Variants in IL1RL1 observed in about 807,000 individuals in gnomAD.
IL1RL1 encodes interleukin 1 receptor like 1, also known as interleukin-1 receptor-like 1.
Under a neutral mutation model 50.9 loss-of-function variants are expected in IL1RL1, and 32 were observed. That is an observed-to-expected ratio of 0.63 (90% confidence interval 0.47 to 0.84). The LOEUF (loss-of-function observed/expected upper bound fraction) is 0.84. Among genes scored for constraint, IL1RL1 ranks in the 40% least tolerant of loss-of-function variants. The pLI is 0.00. For synonymous variants in IL1RL1, 275 were observed against 236.0 expected (o/e 1.17, Z -1.51); for missense variants, 773 against 662.9 (o/e 1.17, Z -1.82).
Position 102,343,257 on chromosome 2 carries a change from G to T in IL1RL1, c.825-13G>T. 1.2e-6 allele frequency: 2 copies of T among 1,614,168 alleles called. No homozygotes were observed. The highest frequency in any genetic ancestry group is 1.7e-6 in the Non-Finnish European group (2 of 1,180,002). On this transcript the variant is annotated splice_polypyrimidine_tract_variant and intron_variant, in intron 7 of 10. Transcript: ENST00000233954. ...GCAAAGTAGGCATTAAAAGTAACAG[G>T]TTGCTTTCTTAGTTTCAGCAATGGG...
chr2:102,345,981 GT>G, intron 8 of IL1RL1: 1 of 985,288 alleles, frequency 1.0e-6, no homozygotes. Flanking sequence ...CGTGTTACAG[GT>G]GTTTAATGAT....
intron 1 of IL1RL1, among the ~76,000 whole-genome samples, chr2:102,324,518 G>A (rs1480669883): frequency 2.0e-5 from 3 of 152,214 alleles, no homozygotes; most frequent in Non-Finnish European, 4.4e-5. Context: ...GACAGTGGGT[G>A]CAGAGCACTG....
intron 9 of IL1RL1, among the ~76,000 whole-genome samples, chr2:102,348,399 A>G (rs1677839393): frequency 1.3e-5 from 2 of 152,094 alleles, no homozygotes; most frequent in South Asian, 4.1e-4. Context: ...TTCATAATGT[A>G]TCGGTAAGAC....
In IL1RL1 at chr2:102,347,988, A is replaced by G. The variant is rs1434826506; in HGVS notation, c.1014A>G (p.Val338=). The change falls in exon 9 of 11, where the codon GTA becomes GTG. Residue 338 remains valine (V), a synonymous_variant. Transcript: ENST00000233954. The stretch of plus-strand genomic sequence containing the variant: ...ACTGCATAATTGCAGTATGTAGTGT[A>G]TTTTTAATGCTAATCAATGTCCTGG... The part of the protein sequence containing the change: ...SIYCIIAVCS[V]FLMLINVLVI... The G allele has an allele frequency of 1.9e-6, 3 of 1,576,136 alleles. No homozygotes were observed. Among genetic ancestry groups the G allele is most frequent in the South Asian group, 1.1e-5 (1 of 90,298 alleles).
chr2:102,340,354 T>G (rs908911602), intron 4 of IL1RL1, 82 bp downstream of exon 4: 10 of 1,215,980 alleles, frequency 8.2e-6, no homozygotes, highest in Non-Finnish European at 1.0e-5. Flanking sequence ...GGCTCATGCC[T>G]GTAATCCTAG....
Position 102,335,982 on chromosome 2 carries a change from C to T in IL1RL1, c.-149-2134C>T, listed in dbSNP as rs73944295. Among the ~76,000 whole-genome samples the T allele has an allele frequency of 3.7e-3, 568 of 152,262 alleles. 6 individuals carry two copies. Among genetic ancestry groups the T allele is most frequent in the African/African-American group, 0.013 (535 of 41,520 alleles). On this transcript the variant is annotated intron_variant, in intron 1 of 10. Coordinates refer to ENST00000233954, the MANE Select transcript of IL1RL1 (RefSeq NM_016232.5). ...GGCGAACATCTCATGGTCAATCTCC[C>T]CGCGGTCAAAGGACTGTGTATCTCT...
Position 102,351,530 on chromosome 2 carries a change from G to T in IL1RL1, c.1286-6G>T, listed in dbSNP as rs867544506. ...AAGAAATCTGATCTATTTCTTGTAT[G>T]ACTAGATGTAGTCACTGCAGTGGAA... On this transcript the variant is annotated splice_polypyrimidine_tract_variant and splice_region_variant and intron_variant, in intron 10 of 10. Transcript: ENST00000233954. 11 of 1,610,326 alleles carry T rather than the reference G, an allele frequency of 6.8e-6. No homozygotes were observed. The highest frequency in any genetic ancestry group is 9.3e-6 in the Non-Finnish European group (11 of 1,177,496).
At position 102,351,939 on chromosome 2, in the gene IL1RL1, A is replaced by C; in HGVS notation, c.*18A>C. 6.3e-7 allele frequency: 1 copy of C among 1,585,086 alleles called. No homozygotes were observed. The highest frequency in any genetic ancestry group is 1.2e-5 in the South Asian group (1 of 86,272). ...AGCAATAGTGCCTGCTGTGATGTGC[A>C]AAGGCATCTGAGTTTGAAGCTTTCC... On this transcript the variant is annotated 3_prime_UTR_variant, in exon 11 of 11. Transcript: ENST00000233954.
At chr2:102,341,403 T>C (rs1341960343) in intron 5 of IL1RL1, 1 of 1,003,058 alleles carries the variant, frequency 1.0e-6, no homozygotes, top group Non-Finnish European at 1.3e-6. Flanking sequence ...TTATTTTAAA[T>C]TTTATAAAAG....
At chr2:102,321,198 T>A (rs1291447655) in intron 1 of IL1RL1, among the ~76,000 whole-genome samples, 1 of 152,244 alleles carries the variant, frequency 6.6e-6, no homozygotes, top group Non-Finnish European at 1.5e-5. Flanking sequence ...CTCCTCCTGC[T>A]GTATTTTTCT....
intron 1 of IL1RL1, among the ~76,000 whole-genome samples, chr2:102,333,406 G>C (rs1294108821): frequency 6.6e-6 from 1 of 152,118 alleles, no homozygotes; most frequent in Non-Finnish European, 1.5e-5. Context: ...AATAAATGGA[G>C]TCTTGGTCTG....
intron 1 of IL1RL1, among the ~76,000 whole-genome samples, chr2:102,312,013 TATATATA>T (rs1372244809): frequency 7.0e-4 from 17 of 24,354 alleles, no homozygotes; most frequent in African/African-American, 3.5e-3. Flanking sequence ...TTATATATAT[TATATATA>T]ATATATATTA....
chr2:102,343,776 T>C (rs918122954), intron 8 of IL1RL1: 3 of 1,133,544 alleles, frequency 2.6e-6, no homozygotes, highest in African/African-American at 3.1e-5. Context: ...TTTTGTGCTC[T>C]TTTATAACTT....
chr2:102,334,893 T>C (rs1677271160), intron 1 of IL1RL1, among the ~76,000 whole-genome samples: 1 of 152,198 alleles, frequency 6.6e-6, no homozygotes, highest in Non-Finnish European at 1.5e-5. Context: ...TAAGGTTTTG[T>C]TTGTTCTTTT....
chr2:102,323,557 T>C (rs993395268), intron 1 of IL1RL1, among the ~76,000 whole-genome samples: 1 of 152,042 alleles, frequency 6.6e-6, no homozygotes, highest in Non-Finnish European at 1.5e-5. Flanking sequence ...GGGAGGTGGC[T>C]TGTGCAGAGA....
At chr2:102,323,279 T>TA (rs1559596441) in intron 1 of IL1RL1, among the ~76,000 whole-genome samples, 1,446 of 37,768 alleles carry the variant, frequency 0.038, 31 homozygotes, top group African/African-American at 0.12. Flanking sequence ...ATATAGTGTG[T>TA]GTGTGTGTGT....
chr2:102,312,194 G>A (rs1676537717), intron 1 of IL1RL1, among the ~76,000 whole-genome samples: 1 of 140,132 alleles, frequency 7.1e-6, no homozygotes, highest in Non-Finnish European at 1.5e-5. Flanking sequence ...TCTGTTAAAA[G>A]AAAAACTTTA....
At chr2:102,334,280 C>G (rs116734831) in intron 1 of IL1RL1, among the ~76,000 whole-genome samples, 6 of 152,092 alleles carry the variant, frequency 3.9e-5, no homozygotes, top group African/African-American at 1.4e-4. Flanking sequence ...GCCATTCAGA[C>G]GGGTCTTCTG....
At chr2:102,323,509 G>A (rs1676899997) in intron 1 of IL1RL1, among the ~76,000 whole-genome samples, 1 of 152,030 alleles carries the variant, frequency 6.6e-6, no homozygotes, top group Non-Finnish European at 1.5e-5. Flanking sequence ...CATCTGGTGA[G>A]GGCCTCAGGC....
Sources: gnomAD v4.1 joint callset for allele counts (sites outside exome capture counted in the v4.1 genomes callset) on GRCh38, gnomAD v4.1.1 for gene constraint, MANE v1.5 for transcripts, NCBI Gene and HGNC (gene_info 2026-07-23, HGNC 2026-07-21) for gene names.